SLC36A2: variants seen among roughly 807,000 people sequenced by gnomAD.
SLC36A2 encodes solute carrier family 36 member 2.
Under a neutral mutation model 42.7 loss-of-function variants are expected in SLC36A2, and 39 were observed. The ratio of observed to expected loss-of-function variants is 0.91; its 90% CI spans 0.71 to 1.19. The LOEUF (loss-of-function observed/expected upper bound fraction) is 1.19. Among genes scored for constraint, SLC36A2 ranks in the 50% most tolerant of loss-of-function variants. The pLI is 0.00. For synonymous variants in SLC36A2, 237 were observed against 240.8 expected (o/e 0.98, Z 0.15); for missense variants, 590 against 613.7 (o/e 0.96, Z 0.41).
rs1554096926 is a variant in SLC36A2, at chr5:151,316,762, AAG to A, written c.*53_*54del. 1.1e-4 allele frequency: 166 copies of A among 1,538,916 alleles called. No individual in the cohort carries two copies. The highest frequency in any genetic ancestry group is 1.4e-4 in the Non-Finnish European group (156 of 1,140,154). On this transcript the variant is annotated 3_prime_UTR_variant, in exon 10 of 10. Transcript: ENST00000335244. ...TCTCAAAAAAAAAAAAAAAAAAAAA[AAG>A]AGATCCATATAATTAAAAGTCGGGT...
rs185012002 is a variant in SLC36A2 at position 151,330,179 on chromosome 5, G to A, written c.843+3045C>T. Among the ~76,000 whole-genome samples, 441 of 152,172 alleles carry A rather than the reference G, an allele frequency of 2.9e-3. 2 individuals are homozygous for A. The highest frequency in any genetic ancestry group is 4.0e-3 in the Non-Finnish European group (271 of 68,000). On this transcript the variant is annotated intron_variant, in intron 7 of 9. Coordinates refer to ENST00000335244, the MANE Select transcript of SLC36A2 (RefSeq NM_181776.3). ...TTGAAAAAAATAATGGCTGAAATTA[G>A]GTAAATTAGGTAAAAGACAAACTTT...
rs548504462 is a variant in SLC36A2, at chr5:151,339,448, T to A, written c.441-304A>T. 2.7e-3 allele frequency among the ~76,000 whole-genome samples: 417 copies of A among 152,200 alleles called. 3 individuals carry two copies. The highest frequency in any genetic ancestry group is 9.7e-3 in the African/African-American group (403 of 41,510). ...GCCTCAGCCTCCCTAGTAGCTGGGATTACAGGCATGTGCCACCACGCCTGG... is the reference window on the plus strand; with the variant it reads ...GCCTCAGCCTCCCTAGTAGCTGGGAATACAGGCATGTGCCACCACGCCTGG... On this transcript the variant is annotated intron_variant, in intron 4 of 9. Transcript: ENST00000335244.
chr5:151,320,613 C>T (rs1164282141), intron 9 of SLC36A2, among the ~76,000 whole-genome samples: 1 of 152,162 alleles, frequency 6.6e-6, no homozygotes, highest in Non-Finnish European at 1.5e-5. Flanking sequence ...GAAAGGGGTA[C>T]TCCGGGTCAT....
At chr5:151,346,357 G>T (rs1580869119) in intron 1 of SLC36A2, among the ~76,000 whole-genome samples, 1 of 152,130 alleles carries the variant, frequency 6.6e-6, no homozygotes, top group African/African-American at 2.4e-5. Context: ...ATGGCTGTGG[G>T]GAGGGGCTTT....
intron 9 of SLC36A2, among the ~76,000 whole-genome samples, chr5:151,318,491 T>TA (rs1265817828): frequency 7.4e-6 from 1 of 136,048 alleles, no homozygotes; most frequent in Non-Finnish European, 1.5e-5. Flanking sequence ...TTATATATTT[T>TA]ATCTATAATA....
intron 6 of SLC36A2, among the ~76,000 whole-genome samples, chr5:151,333,555 A>C (rs1307974292): frequency 1.3e-5 from 2 of 152,124 alleles, no homozygotes; most frequent in African/African-American, 2.4e-5. Flanking sequence ...TCATGGAGGG[A>C]GTTTGGTTTA....
chr5:151,332,933 C>T lies in SLC36A2; in HGVS notation c.843+291G>A, dbSNP rs148085681. On this transcript the variant is annotated intron_variant, in intron 7 of 9. Coordinates refer to ENST00000335244, the MANE Select transcript of SLC36A2 (RefSeq NM_181776.3). ...ATCCTTTAAATTGGACACCATGGTT[C>T]TTCTTGATTTTAAAAGATTAGGAAA... 2.6e-3 allele frequency among the ~76,000 whole-genome samples: 393 copies of T among 152,226 alleles called. 1 individual carries two copies. The highest frequency in any genetic ancestry group is 3.3e-3 in the Non-Finnish European group (222 of 68,010).
At chr5:151,327,259 A>G (rs1055700068) in intron 7 of SLC36A2, among the ~76,000 whole-genome samples, 9 of 152,306 alleles carry the variant, frequency 5.9e-5, no homozygotes, top group Admixed American at 2.0e-4. Flanking sequence ...TGTTTTACAG[A>G]TGAGGAAAAC....
At chr5:151,330,574 G>C (rs1755967825) in intron 7 of SLC36A2, among the ~76,000 whole-genome samples, 1 of 152,222 alleles carries the variant, frequency 6.6e-6, no homozygotes, top group African/African-American at 2.4e-5. Context: ...GAAGGGAAAT[G>C]ATGCCAGAAG....
intron 5 of SLC36A2, among the ~76,000 whole-genome samples, chr5:151,338,322 G>A (rs1756214847): frequency 6.6e-6 from 1 of 152,190 alleles, no homozygotes; most frequent in Non-Finnish European, 1.5e-5. Context: ...TGCTGTAAGA[G>A]AATTTCTAGG....
rs574488466 is a variant in SLC36A2 at position 151,317,363 on chromosome 5, A to T, written c.1181-275T>A. On this transcript the variant is annotated intron_variant, in intron 9 of 9. Coordinates refer to ENST00000335244, the MANE Select transcript of SLC36A2 (RefSeq NM_181776.3). Reference sequence around the variant, plus strand: ...GCTACTCAGGAGGCTGAGGCAGGAGAATCACTTGAACCTGGGAGGTGGAGG... The same window carrying T: ...GCTACTCAGGAGGCTGAGGCAGGAGTATCACTTGAACCTGGGAGGTGGAGG... 5.0e-3 allele frequency among the ~76,000 whole-genome samples: 760 copies of T among 151,006 alleles called. 10 individuals are homozygous for T. Among genetic ancestry groups the T allele is most frequent in the African/African-American group, 0.018 (743 of 41,070 alleles).
intron 4 of SLC36A2, among the ~76,000 whole-genome samples, chr5:151,340,200 AGG>A (rs1561660938): frequency 1.7e-5 from 2 of 119,466 alleles, no homozygotes; most frequent in East Asian, 3.2e-4. Flanking sequence ...GTGGAGGAGG[AGG>A]AGAGGAGGAG....
At chr5:151,326,068 G>A (rs1350252522) in intron 7 of SLC36A2, among the ~76,000 whole-genome samples, 1 of 152,108 alleles carries the variant, frequency 6.6e-6, no homozygotes, top group Non-Finnish European at 1.5e-5. Flanking sequence ...GAGGAAAAAA[G>A]GTAGGAAGAT....
chr5:151,322,022 C>T, intron 9 of SLC36A2, 24 bp downstream of exon 9: 1 of 1,613,982 alleles, frequency 6.2e-7, no homozygotes, highest in Non-Finnish European at 8.5e-7. Flanking sequence ...TCAGCAGGAA[C>T]ACTGCACTCT....
At position 151,342,919 on chromosome 5, in the gene SLC36A2, C is replaced by G. The variant is rs754153820; in HGVS notation, c.409G>C (p.Ala137Pro). 5.6e-6 allele frequency: 9 copies of G among 1,614,134 alleles called. No homozygotes were observed. Among genetic ancestry groups the G allele is most frequent in the Non-Finnish European group, 6.8e-6 (8 of 1,179,984 alleles). ...CAGTGAGCGTGATTCTGGAGCCAGG[C>G]GTTGGGGTTGGCTTCTAGTCCATGC... ...VMHGLEANPN[A>P]WLQNHAHWGR... The change falls in exon 4 of 10, where the codon GCC becomes CCC. Residue 137 changes from alanine to proline, a missense_variant. Ala to Pro is a conservative substitution (Grantham distance 27). Coordinates refer to ENST00000335244, the MANE Select transcript of SLC36A2 (RefSeq NM_181776.3).
At chr5:151,341,429 G>A (rs1335456516) in intron 4 of SLC36A2, among the ~76,000 whole-genome samples, 9 of 152,174 alleles carry the variant, frequency 5.9e-5, no homozygotes, top group Admixed American at 1.3e-4. Context: ...GGGGCACACC[G>A]TGAGTACTGC....
chr5:151,321,341 C>CT lies in SLC36A2; in HGVS notation c.1180+704dup, dbSNP rs1319471938. Among the ~76,000 whole-genome samples the CT allele has an allele frequency of 0.014, 1,296 of 94,574 alleles. 63 individuals are homozygous for CT. In the East Asian group the frequency reaches 0.33, roughly 24 times the overall value. The allele number at this position is 94,574 out of a possible 152,430, so 62.0% of individuals were successfully genotyped here. A position where few individuals can be genotyped will look rare whatever the true frequency, so the allele number is the denominator to read the frequency against. On this transcript the variant is annotated intron_variant, in intron 9 of 9. Transcript: ENST00000335244. ...CACCCATGCCTGGCTATTTTCTTTT[C>CT]TTTCTTTTTTTTTTTTTTTTTAATA... is the stretch of plus-strand genomic sequence containing the variant.
intron 9 of SLC36A2, among the ~76,000 whole-genome samples, chr5:151,318,777 C>T (rs1453689953): frequency 6.6e-6 from 1 of 151,872 alleles, no homozygotes; most frequent in Non-Finnish European, 1.5e-5. Context: ...AAAGAAGTGT[C>T]TTCTCCAGGT....
At position 151,339,161 on chromosome 5, in the gene SLC36A2, A is replaced by AG. The variant is rs764313633; in HGVS notation, c.441-18dup. 44 of 1,584,130 alleles carry AG rather than the reference A, an allele frequency of 2.8e-5. No individual in the cohort carries two copies. The highest frequency in any genetic ancestry group is 3.4e-5 in the Non-Finnish European group (39 of 1,155,326). On this transcript the variant is annotated splice_polypyrimidine_tract_variant and intron_variant, in intron 4 of 9. Transcript: ENST00000335244. The stretch of plus-strand genomic sequence containing the variant: ...ACGATATGCCTAGAAGGGAGAAGAG[A>AG]GGGAAAAAGAAAACTTGTTATAAAA...
Sources: gnomAD v4.1 joint callset for allele counts (sites outside exome capture counted in the v4.1 genomes callset) on GRCh38, gnomAD v4.1.1 for gene constraint, MANE v1.5 for transcripts, NCBI Gene and HGNC (gene_info 2026-07-23, HGNC 2026-07-21) for gene names.